The following GRIK2 variants were observed in gnomAD, a reference collection of about 807,000 sequenced individuals.
The protein encoded by GRIK2 is glutamate receptor ionotropic, kainate 2.
Under a neutral mutation model 100.3 loss-of-function variants are expected in GRIK2, and 32 were observed. The observed-to-expected ratio is 0.32, with a 90% CI of 0.24 to 0.43. The LOEUF (loss-of-function observed/expected upper bound fraction) is 0.43, where lower values mean the gene tolerates loss of function less well. GRIK2 is among the 20% of genes least tolerant of loss of function. The pLI is 1.00. For missense variants in GRIK2, 843 were observed against 1,114.9 expected, an observed-to-expected ratio of 0.76 and a Z score of 3.47; for synonymous variants, 417 against 389.4, an observed-to-expected ratio of 1.07 and a Z score of -0.83.
chr6:101,763,381 G>T (rs1472586176), intron 7 of GRIK2, among the ~76,000 whole-genome samples: 2 of 152,136 alleles, frequency 1.3e-5, no homozygotes, highest in Non-Finnish European at 2.9e-5. Context: ...GTCACTCTTT[G>T]TTAGTTGCTG....
intron 13 of GRIK2, chr6:101,928,127 A>G: frequency 2.9e-6 from 1 of 339,186 alleles, no homozygotes; most frequent in Non-Finnish European, 5.4e-6. Flanking sequence ...TGCTATTTTT[A>G]TTAAAAATGT....
At chr6:101,412,091 T>A (rs953521218) in intron 2 of GRIK2, among the ~76,000 whole-genome samples, 1 of 151,906 alleles carries the variant, frequency 6.6e-6, no homozygotes, top group Admixed American at 6.6e-5. Flanking sequence ...AACATGGAAA[T>A]CTCTTGGACA....
At position 101,802,321 on chromosome 6, in the gene GRIK2, A is replaced by C. The variant is rs748204672; in HGVS notation, c.1096-10A>C. The C allele has an allele frequency of 2.5e-6, 3 of 1,206,430 alleles. No homozygotes were observed. Among genetic ancestry groups the C allele is most frequent in the Admixed American group, 4.6e-5 (2 of 43,430 alleles). The allele number at this position is 1,206,430 out of a possible 1,614,324, so 74.7% of individuals were successfully genotyped here. ...ACTTATTTATTATCAATGTTTTTCT[A>C]TTCCCATAGGCACATTGGGAAGGCC... On this transcript the variant is annotated splice_polypyrimidine_tract_variant and intron_variant, in intron 8 of 16. Coordinates refer to ENST00000369134, the MANE Select transcript of GRIK2 (RefSeq NM_021956.5).
chr6:102,004,057 A>G (rs936335144), intron 14 of GRIK2, among the ~76,000 whole-genome samples: 1 of 147,178 alleles, frequency 6.8e-6, no homozygotes, highest in Admixed American at 6.8e-5. Context: ...TATTTCTTTC[A>G]TTATTTCAAC....
At chr6:101,799,551 A>G (rs909449372) in intron 7 of GRIK2, 97 bp from the exon 8 acceptor site, 1 of 871,364 alleles carries the variant, frequency 1.1e-6, no homozygotes, top group Non-Finnish European at 1.9e-6. Flanking sequence ...TGGGATATAT[A>G]TTTCCCTTAC....
chr6:101,989,848 A>G (rs1399935819), intron 14 of GRIK2, among the ~76,000 whole-genome samples: 2 of 151,488 alleles, frequency 1.3e-5, no homozygotes, highest in Non-Finnish European at 3.0e-5. Context: ...TGTGGAAACC[A>G]TGAAATTATA....
At chr6:101,616,546 A>G (rs1366222477) in intron 2 of GRIK2, among the ~76,000 whole-genome samples, 2 of 151,766 alleles carry the variant, frequency 1.3e-5, no homozygotes, top group Non-Finnish European at 3.0e-5. Flanking sequence ...TAGTTTCTGT[A>G]AAAAGTCTTT....
intron 4 of GRIK2, 39 bp downstream of exon 4, chr6:101,626,676 T>A: frequency 6.4e-7 from 1 of 1,553,646 alleles, no homozygotes; most frequent in East Asian, 2.3e-5. Context: ...ATGCTTTAAA[T>A]ATAGATAATT....
intron 7 of GRIK2, among the ~76,000 whole-genome samples, chr6:101,688,945 A>T (rs1185198344): frequency 6.6e-6 from 1 of 152,000 alleles, no homozygotes; most frequent in African/African-American, 2.4e-5. Context: ...TATTTTCATT[A>T]TGTAACATTA....
intron 16 of GRIK2, among the ~76,000 whole-genome samples, chr6:102,061,903 G>C (rs1230903734): frequency 6.7e-6 from 1 of 149,950 alleles, no homozygotes; most frequent in Non-Finnish European, 1.5e-5. Context: ...TTAGTTATTT[G>C]GATGTAACTC....
At chr6:101,864,139 G>A (rs1463447713) in intron 11 of GRIK2, among the ~76,000 whole-genome samples, 3 of 123,154 alleles carry the variant, frequency 2.4e-5, no homozygotes, top group African/African-American at 6.2e-5. Flanking sequence ...GCGAGACTCC[G>A]TCTCAAAAAA....
At chr6:101,766,106 A>T (rs753335902) in intron 7 of GRIK2, among the ~76,000 whole-genome samples, 3 of 152,142 alleles carry the variant, frequency 2.0e-5, no homozygotes, top group Non-Finnish European at 2.9e-5. Context: ...TAATTTGAAG[A>T]GATTATTTTA....
chr6:101,594,523 T>A (rs1231429640), intron 2 of GRIK2, among the ~76,000 whole-genome samples: 1 of 151,740 alleles, frequency 6.6e-6, no homozygotes, highest in Non-Finnish European at 1.5e-5. Flanking sequence ...ATAGCATATG[T>A]TTGAGAAAAA....
chr6:101,765,020 T>G (rs1026970580), intron 7 of GRIK2, among the ~76,000 whole-genome samples: 2 of 152,150 alleles, frequency 1.3e-5, no homozygotes, highest in African/African-American at 4.8e-5. Flanking sequence ...GGAACATTTT[T>G]CAGCTTCTCA....
intron 10 of GRIK2, among the ~76,000 whole-genome samples, chr6:101,847,455 C>A (rs1783877441): frequency 6.6e-6 from 1 of 151,834 alleles, no homozygotes. Flanking sequence ...TGTTTAGTGA[C>A]CTTGCTAAAT....
At chr6:101,933,772 T>C (rs922275452) in intron 14 of GRIK2, among the ~76,000 whole-genome samples, 7 of 151,974 alleles carry the variant, frequency 4.6e-5, no homozygotes, top group African/African-American at 1.7e-4. Context: ...AATTTTATTA[T>C]TCTACAGGGC....
intron 2 of GRIK2, among the ~76,000 whole-genome samples, chr6:101,450,073 G>A (rs186082409): frequency 6.7e-4 from 102 of 151,478 alleles, no homozygotes; most frequent in African/African-American, 2.1e-3. Flanking sequence ...AAAATATTAC[G>A]GAGTCTGTTG....
At chr6:102,055,619 T>TTTG in intron 16 of GRIK2, 39 bp downstream of exon 16, 1 of 1,498,878 alleles carries the variant, frequency 6.7e-7, no homozygotes, top group Non-Finnish European at 9.2e-7. Flanking sequence ...TAAAACAATT[T>TTTG]TTGTTGTTAC....
chr6:101,500,024 C>A (rs1178115039), intron 2 of GRIK2, among the ~76,000 whole-genome samples: 2 of 152,072 alleles, frequency 1.3e-5, no homozygotes, highest in African/African-American at 4.8e-5. Flanking sequence ...TGTGTACTTT[C>A]TGGCTCTTGG....
Sources: allele counts gnomAD v4.1 joint callset (sites outside exome capture counted in the v4.1 genomes callset), GRCh38; gene constraint gnomAD v4.1.1; transcripts MANE v1.5; gene names NCBI Gene and HGNC (gene_info 2026-07-23, HGNC 2026-07-21).